SLC2A14: variants seen among roughly 807,000 people sequenced by gnomAD.
SLC2A14 encodes solute carrier family 2, facilitated glucose transporter member 14.
Under a neutral mutation model 43.0 loss-of-function variants are expected in SLC2A14, and 13 were observed. The ratio of observed to expected loss-of-function variants is 0.30; its 90% CI spans 0.20 to 0.48. The LOEUF is 0.48. SLC2A14 is among the 20% of genes least tolerant of loss of function. The probability of loss-of-function intolerance (pLI) is 0.99; values close to 1 mark genes in which losing one functional copy is unlikely to be tolerated. For missense variants in SLC2A14, 428 were observed against 620.4 expected (o/e 0.69, Z 3.29); for synonymous variants, 190 against 233.8 (o/e 0.81, Z 1.71).
At chr12:7,891,192 AG>A, upstream of SLC2A14, 5 of 1,411,798 alleles carry the variant, frequency 3.5e-6, no homozygotes, top group Non-Finnish European at 4.7e-6. Context: ...CCAGGAGCAG[AG>A]TGCAGAGGAG....
At chr12:7,890,487 G>A (rs1032243743) in intron 1 of SLC2A14, among the ~76,000 whole-genome samples, 5 of 150,980 alleles carry the variant, frequency 3.3e-5, no homozygotes, top group African/African-American at 1.2e-4. Context: ...ACTTTTTTCA[G>A]TACTTATCAC....
intron 1 of SLC2A14, chr12:7,871,994 A>C: frequency 3.0e-6 from 2 of 658,814 alleles, no homozygotes; most frequent in Non-Finnish European, 3.8e-6. Flanking sequence ...AAAAAAAAGT[A>C]AGGTACTATT....
intron 2 of SLC2A14, among the ~76,000 whole-genome samples, chr12:7,842,870 A>G (rs997785843): frequency 5.3e-5 from 8 of 152,006 alleles, no homozygotes; most frequent in Non-Finnish European, 1.2e-4. Context: ...CTGTGATTAC[A>G]GCCATGTGCC....
At chr12:7,865,275 C>T (rs1469412669) in intron 2 of SLC2A14, among the ~76,000 whole-genome samples, 1 of 152,096 alleles carries the variant, frequency 6.6e-6, no homozygotes, top group African/African-American at 2.4e-5. Flanking sequence ...CGGTGGCTCC[C>T]ACCTGTAATC....
At chr12:7,864,800 C>T (rs902432533) in intron 2 of SLC2A14, among the ~76,000 whole-genome samples, 11 of 152,106 alleles carry the variant, frequency 7.2e-5, no homozygotes, top group Non-Finnish European at 1.2e-4. Context: ...AAGAGTCAGC[C>T]GACCCAGGCT....
intron 2 of SLC2A14, chr12:7,863,552 A>G (rs1403600331): frequency 2.7e-6 from 1 of 364,626 alleles, no homozygotes; most frequent in Admixed American, 3.2e-5. Context: ...AACCCAGGAC[A>G]CAGAGGTTGC....
chr12:7,821,571 T>C lies in SLC2A14; in HGVS notation c.865-246A>G, dbSNP rs753710158. Among the ~76,000 whole-genome samples, 5 of 152,248 alleles carry C rather than the reference T, an allele frequency of 3.3e-5. No individual in the cohort carries two copies. The East Asian group carries it at 9.7e-4, about 29-fold the overall frequency. ...GGTGGCACACACCTGTAGTCCCAGCTACTTGGGAGGCCAGACAGAACAAGA... is the reference window on the plus strand; with the variant it reads ...GGTGGCACACACCTGTAGTCCCAGCCACTTGGGAGGCCAGACAGAACAAGA... On this transcript the variant is annotated intron_variant, in intron 7 of 10. Transcript: ENST00000431042.
Position 7,817,771 on chromosome 12 carries a change from G to GATAGATAGATAGATAA in SLC2A14, c.1275+59_1275+60insTTATCTATCTATCTAT. Reference sequence around the variant, plus strand: ...ATATATATAGATAGATAGATAGATAGATAGATAGACAGATACATAGATAGA... The same window carrying GATAGATAGATAGATAA: ...ATATATATAGATAGATAGATAGATAGATAGATAGATAGATAAATAGATAGACAGATACATAGATAGA... On this transcript the variant is annotated intron_variant, in intron 10 of 10. Transcript: ENST00000431042. The GATAGATAGATAGATAA allele has an allele frequency of 1.4e-5, 22 of 1,563,902 alleles. No homozygotes were observed. In the South Asian group the frequency reaches 2.4e-4, roughly 17 times the overall value.
intron 2 of SLC2A14, among the ~76,000 whole-genome samples, chr12:7,864,763 G>A (rs774706731): frequency 6.6e-6 from 1 of 152,274 alleles, no homozygotes; most frequent in Admixed American, 6.5e-5. Context: ...GAGCCGCTAT[G>A]GCCCACAAAG....
At chr12:7,832,842 G>A in intron 2 of SLC2A14, 28 bp from the exon 3 acceptor site, 1 of 1,604,274 alleles carries the variant, frequency 6.2e-7, no homozygotes, top group Non-Finnish European at 8.5e-7. Context: ...AGGGAGGAGA[G>A]AATAGTCCTT....
intron 10 of SLC2A14, among the ~76,000 whole-genome samples, chr12:7,816,561 T>G (rs902059450): frequency 1.3e-5 from 2 of 150,630 alleles, no homozygotes. Flanking sequence ...CACAATTTTA[T>G]GGACAAAAGA....
chr12:7,818,691 CT>C (rs35067057), intron 9 of SLC2A14, among the ~76,000 whole-genome samples: 73 of 145,672 alleles, frequency 5.0e-4, no homozygotes, highest in Admixed American at 1.4e-3. Flanking sequence ...CAAAAAAATA[CT>C]TTTTTTTTTT....
Position 7,826,861 on chromosome 12 carries a change from T to TTCCTTCCTTCCTTCCTTCCTTCC in SLC2A14, c.864+633_864+634insGGAAGGAAGGAAGGAAGGAAGGA, listed in dbSNP as rs1555121671. ...TCCTTCCTTCCTTCCTTCCTTTCTT[T>TTCCTTCCTTCCTTCCTTCCTTCC]TTTCTTTCTTTCTTTCTTTCTTTCT... On this transcript the variant is annotated intron_variant, in intron 7 of 10. Transcript: ENST00000431042. Among the ~76,000 whole-genome samples the TTCCTTCCTTCCTTCCTTCCTTCC allele has an allele frequency of 1.6e-3, 97 of 60,318 alleles. 13 individuals carry two copies. Among genetic ancestry groups the TTCCTTCCTTCCTTCCTTCCTTCC allele is most frequent in the African/African-American group, 6.7e-3 (85 of 12,634 alleles). The allele number at this position is 60,318 out of a possible 152,430, so 39.6% of individuals were successfully genotyped here. A position where few individuals can be genotyped will look rare whatever the true frequency, so the allele number is the denominator to read the frequency against.
At chr12:7,844,830 C>A (rs112239520) in intron 2 of SLC2A14, among the ~76,000 whole-genome samples, 3 of 152,072 alleles carry the variant, frequency 2.0e-5, no homozygotes, top group Non-Finnish European at 4.4e-5. Context: ...GCCACCGCAC[C>A]GGGCTGTAAA....
chr12:7,833,865 G>A (rs1008826705), intron 2 of SLC2A14, among the ~76,000 whole-genome samples: 4 of 151,988 alleles, frequency 2.6e-5, no homozygotes, highest in Non-Finnish European at 5.9e-5. Context: ...ATTCAGCTGG[G>A]CAAGTGGATA....
At chr12:7,880,433 C>A (rs1017463510) in intron 1 of SLC2A14, among the ~76,000 whole-genome samples, 1 of 151,484 alleles carries the variant, frequency 6.6e-6, no homozygotes, top group African/African-American at 2.4e-5. Context: ...CAAGATCACA[C>A]CACTGCACTC....
At chr12:7,825,756 C>T (rs1864301359) in intron 7 of SLC2A14, among the ~76,000 whole-genome samples, 1 of 113,644 alleles carries the variant, frequency 8.8e-6, no homozygotes, top group Non-Finnish European at 1.7e-5. Context: ...AGTGAGACTC[C>T]TCTGTCTCAC....
At chr12:7,880,690 CAAAAAAA>C (rs753621437) in intron 1 of SLC2A14, among the ~76,000 whole-genome samples, 3,524 of 65,120 alleles carry the variant, frequency 0.054, 177 homozygotes, top group East Asian at 0.28. Flanking sequence ...AGCTGGGTCT[CAAAAAAA>C]AAAAAAAAAA....
chr12:7,822,786 T>G (rs2120700566), intron 7 of SLC2A14, among the ~76,000 whole-genome samples: 1 of 152,258 alleles, frequency 6.6e-6, no homozygotes, highest in African/African-American at 2.4e-5. Context: ...CAAGTGATCC[T>G]CCTGCCTCTC....
Sources: gnomAD v4.1 joint callset for allele counts (sites outside exome capture counted in the v4.1 genomes callset) on GRCh38, gnomAD v4.1.1 for gene constraint, MANE v1.5 for transcripts, NCBI Gene and HGNC (gene_info 2026-07-23, HGNC 2026-07-21) for gene names.